NEBL: variants seen among roughly 807,000 people sequenced by gnomAD.
NEBL encodes LIM and SH3 protein 2.
A neutral mutation model predicts 140.2 loss-of-function variants in NEBL; 122 were observed. The observed-to-expected ratio is 0.87, with a 90% confidence interval of 0.75 to 1.01. The LOEUF (loss-of-function observed/expected upper bound fraction) is 1.01, where lower values mean the gene tolerates loss of function less well. Ranked by LOEUF, NEBL falls within the 50% of genes least tolerant of loss-of-function variation. The probability of loss-of-function intolerance (pLI) is 0.00; values close to 1 mark genes in which losing one functional copy is unlikely to be tolerated. For missense variants in NEBL, 1,365 were observed against 1,231.3 expected, an observed-to-expected ratio of 1.11 and a Z score of -1.62; for synonymous variants, 436 against 398.9, an observed-to-expected ratio of 1.09 and a Z score of -1.11.
chr10:20,918,682 A>C (rs1833429901), intron 4 of NEBL, among the ~76,000 whole-genome samples: 1 of 151,232 alleles, frequency 6.6e-6, no homozygotes, highest in South Asian at 2.1e-4. Context: ...CCCAGTCTCT[A>C]CTAAAAATAA....
chr10:21,240,939 C>A (rs1299175357), intron 3 of NEBL, among the ~76,000 whole-genome samples: 8 of 151,322 alleles, frequency 5.3e-5, no homozygotes, highest in Admixed American at 5.3e-4. Context: ...CACACACACA[C>A]ACACACAAAA....
At chr10:21,216,943 G>A (rs1160462121) in intron 3 of NEBL, among the ~76,000 whole-genome samples, 9 of 151,888 alleles carry the variant, frequency 5.9e-5, no homozygotes, top group African/African-American at 1.7e-4. Context: ...AGCCAAGATC[G>A]CGCCACTGCA....
At chr10:20,871,180 C>T (rs1844897692) in intron 5 of NEBL, among the ~76,000 whole-genome samples, 1 of 152,206 alleles carries the variant, frequency 6.6e-6, no homozygotes, top group African/African-American at 2.4e-5. Context: ...AAAATGCACA[C>T]TTAATTACAT....
intron 4 of NEBL, among the ~76,000 whole-genome samples, chr10:20,958,251 T>G (rs572387193): frequency 6.6e-6 from 1 of 152,340 alleles, no homozygotes; most frequent in South Asian, 2.1e-4. Context: ...CCTAAAATAT[T>G]GGTAAATAAA....
chr10:20,902,659 T>C (rs1847921619), intron 4 of NEBL, among the ~76,000 whole-genome samples: 1 of 152,158 alleles, frequency 6.6e-6, no homozygotes, highest in Non-Finnish European at 1.5e-5. Context: ...ATAGCGCCCA[T>C]TGAGCTGAAA....
At chr10:20,924,438 A>AAG (rs1554807406) in intron 4 of NEBL, among the ~76,000 whole-genome samples, 2 of 147,530 alleles carry the variant, frequency 1.4e-5, no homozygotes, top group African/African-American at 5.0e-5. Flanking sequence ...AAAAAAAAAA[A>AAG]GGCTACACCT....
At chr10:21,244,717 T>C (rs1842493752) in intron 3 of NEBL, among the ~76,000 whole-genome samples, 1 of 151,386 alleles carries the variant, frequency 6.6e-6, no homozygotes, top group Non-Finnish European at 1.5e-5. Flanking sequence ...AAATAAAAAA[T>C]AAATAAATTA....
chr10:20,818,368 A>G (rs1838949297), intron 20 of NEBL, among the ~76,000 whole-genome samples: 1 of 152,170 alleles, frequency 6.6e-6, no homozygotes, highest in Non-Finnish European at 1.5e-5. Context: ...TCCCACATCT[A>G]CCAACCAGAG....
chr10:21,239,533 C>G (rs903722631), intron 3 of NEBL, among the ~76,000 whole-genome samples: 8 of 152,092 alleles, frequency 5.3e-5, no homozygotes, highest in Non-Finnish European at 8.8e-5. Context: ...GACCCCCAAA[C>G]CCAGAATTTT....
At chr10:20,829,275 T>C (rs553928757) in intron 16 of NEBL, among the ~76,000 whole-genome samples, 1 of 152,198 alleles carries the variant, frequency 6.6e-6, no homozygotes, top group African/African-American at 2.4e-5. Flanking sequence ...GATGAGTTCA[T>C]GTCCTTTGTA....
chr10:21,122,873 C>A (rs1838643744), intron 2 of NEBL, among the ~76,000 whole-genome samples: 1 of 152,256 alleles, frequency 6.6e-6, no homozygotes, highest in East Asian at 1.9e-4. Context: ...CTTGTATATG[C>A]CTTTATTTCC....
At chr10:21,105,771 C>T (rs1837688213) in intron 2 of NEBL, among the ~76,000 whole-genome samples, 1 of 152,146 alleles carries the variant, frequency 6.6e-6, no homozygotes, top group African/African-American at 2.4e-5. Context: ...CACTGTTTTC[C>T]ACAATGGTTG....
intron 3 of NEBL, among the ~76,000 whole-genome samples, chr10:21,191,224 C>T (rs879411149): frequency 5.3e-5 from 8 of 152,164 alleles, no homozygotes; most frequent in Admixed American, 3.3e-4. Flanking sequence ...ATGAACACTC[C>T]TAGGAGCTTA....
At chr10:21,287,959 T>C (rs1169509487) in intron 1 of NEBL, among the ~76,000 whole-genome samples, 1 of 152,216 alleles carries the variant, frequency 6.6e-6, no homozygotes, top group Non-Finnish European at 1.5e-5. Flanking sequence ...CATATCCATA[T>C]ACTATGTGAG....
intron 2 of NEBL, among the ~76,000 whole-genome samples, chr10:21,088,308 C>G (rs1353495328): frequency 6.6e-6 from 1 of 152,088 alleles, no homozygotes; most frequent in African/African-American, 2.4e-5. Context: ...GGTGATCAGT[C>G]TGGGCAACAT....
At chr10:21,210,025 C>T (rs1841891875) in intron 3 of NEBL, among the ~76,000 whole-genome samples, 1 of 152,154 alleles carries the variant, frequency 6.6e-6, no homozygotes, top group East Asian at 1.9e-4. Context: ...TGCTCAATAC[C>T]TCCAGTTCCA....
chr10:20,882,186 CAGAAAGAAGGAA>C (rs1022090637), intron 4 of NEBL, among the ~76,000 whole-genome samples: 11 of 120,436 alleles, frequency 9.1e-5, no homozygotes, highest in Admixed American at 7.5e-4. Flanking sequence ...GAAGGAAAGA[CAGAAAGAAGGAA>C]AGAAAGAAGG....
At chr10:21,032,871 TTC>T (rs1365487708) in intron 2 of NEBL, among the ~76,000 whole-genome samples, 3 of 152,196 alleles carry the variant, frequency 2.0e-5, no homozygotes, top group Non-Finnish European at 4.4e-5. Flanking sequence ...CAATTGTAAC[TTC>T]TCTCATGTAT....
chr10:21,081,877 A>T (rs1836384382), intron 2 of NEBL, among the ~76,000 whole-genome samples: 1 of 152,226 alleles, frequency 6.6e-6, no homozygotes, highest in Non-Finnish European at 1.5e-5. Context: ...ATAGTGATGG[A>T]TTATAACCCA....
Sources: allele counts gnomAD v4.1 joint callset (sites outside exome capture counted in the v4.1 genomes callset), GRCh38; gene constraint gnomAD v4.1.1; transcripts MANE v1.5; gene names NCBI Gene and HGNC (gene_info 2026-07-23, HGNC 2026-07-21).